The following WWC2 variants were observed in gnomAD, a reference collection of about 807,000 sequenced individuals.
WWC2 encodes WW and C2 domain containing 2.
Under a neutral mutation model 138.5 loss-of-function variants are expected in WWC2, and 101 were observed. The ratio of observed to expected loss-of-function variants is 0.73; its 90% CI spans 0.62 to 0.86. The LOEUF (loss-of-function observed/expected upper bound fraction) is 0.86, where lower values mean the gene tolerates loss of function less well. Ranked by LOEUF, WWC2 falls within the 40% of genes least tolerant of loss-of-function variation. The probability of loss-of-function intolerance (pLI) is 0.00; values close to 1 mark genes in which losing one functional copy is unlikely to be tolerated. For missense variants in WWC2, 1,420 were observed against 1,419.4 expected (o/e 1.00, Z -0.01); for synonymous variants, 558 against 538.4 (o/e 1.04, Z -0.50).
intron 1 of WWC2, among the ~76,000 whole-genome samples, chr4:183,142,016 A>G (rs1398712236): frequency 6.6e-6 from 1 of 152,234 alleles, no homozygotes; most frequent in Non-Finnish European, 1.5e-5. Flanking sequence ...CTGTGAAGAA[A>G]ACACAGAAAG....
At position 183,286,059 on chromosome 4, in the gene WWC2, G is replaced by A; in HGVS notation, c.3141G>A (p.Arg1047=). The A allele has an allele frequency of 6.4e-7, 1 of 1,569,782 alleles. No individual in the cohort carries two copies. The highest frequency in any genetic ancestry group is 8.7e-7 in the Non-Finnish European group (1 of 1,155,972). ...STERRSLRVK[R]TVCQSVLRRT... is the part of the protein sequence containing the mutation. The stretch of plus-strand genomic sequence containing the variant: ...AACGCCGCAGTTTGAGGGTCAAAAG[G>A]GTATGTATTCCCTCAGCCACGTCCC... The change falls in exon 20 of 23, where the codon AGG becomes AGA. Residue 1047 remains arginine (R), a splice_region_variant and synonymous_variant. Transcript: ENST00000403733.
intron 1 of WWC2, among the ~76,000 whole-genome samples, chr4:183,122,641 T>G: frequency 6.6e-6 from 1 of 152,122 alleles, no homozygotes; most frequent in East Asian, 1.9e-4. Context: ...TGCCTCAGCC[T>G]CCTGAGTAGC....
rs750321330 is a variant in WWC2, at chr4:183,249,926, G to A, written c.886G>A (p.Val296Ile). Reference protein sequence around the residue: ...SQTSISGDIGVRSRSNLAEKV... With the variant: ...SQTSISGDIGIRSRSNLAEKV... Reference sequence around the variant, plus strand: ...CTTTTTCTTTTTCCACTAGATTGGAGTAAGAAGTAGATCAAATTTAGCTGA... The same window carrying A: ...CTTTTTCTTTTTCCACTAGATTGGAATAAGAAGTAGATCAAATTTAGCTGA... Residue 296 changes from valine to isoleucine, a missense_variant, in exon 8 of 23, where the codon GTA (valine) becomes ATA (isoleucine). Transcript: ENST00000403733. The A allele has an allele frequency of 6.2e-7, 1 of 1,613,168 alleles. No individual in the cohort carries two copies. The highest frequency in any genetic ancestry group is 8.5e-7 in the Non-Finnish European group (1 of 1,179,440).
At chr4:183,128,252 T>C (rs1732818795) in intron 1 of WWC2, among the ~76,000 whole-genome samples, 2 of 152,026 alleles carry the variant, frequency 1.3e-5, no homozygotes, top group African/African-American at 4.8e-5. Flanking sequence ...GGCAGAAGAA[T>C]TGCTTGAACT....
rs199645335 is a variant in WWC2, at chr4:183,113,528, G to A, written c.131+13906G>A. Among the ~76,000 whole-genome samples the A allele has an allele frequency of 1.0e-4, 15 of 148,572 alleles. No individual in the cohort carries two copies. In the East Asian group the frequency reaches 1.8e-3, roughly 18 times the overall value. On this transcript the variant is annotated intron_variant, in intron 1 of 22. Coordinates refer to ENST00000403733, the MANE Select transcript of WWC2 (RefSeq NM_024949.6). ...TGTGTGTGTGTGTGCGCGCGCGTGC[G>A]CGCGCACATGCACGTGCATGCAAGA... is the stretch of plus-strand genomic sequence containing the variant.
At chr4:183,232,118 A>T (rs1387671563) in intron 4 of WWC2, among the ~76,000 whole-genome samples, 2 of 152,198 alleles carry the variant, frequency 1.3e-5, no homozygotes, top group Non-Finnish European at 2.9e-5. Context: ...AAGCCATTTG[A>T]CCATATGTTT....
chr4:183,255,673 C>G (rs1401679914), intron 9 of WWC2, among the ~76,000 whole-genome samples: 1 of 151,888 alleles, frequency 6.6e-6, no homozygotes, highest in East Asian at 1.9e-4. Context: ...ATTTGTTTGT[C>G]TTAGTTTTTA....
chr4:183,300,735 G>A (rs1738808888), intron 21 of WWC2, among the ~76,000 whole-genome samples: 1 of 150,254 alleles, frequency 6.7e-6, no homozygotes, highest in African/African-American at 2.4e-5. Context: ...ATATCTTCCG[G>A]TGTTCCCTGG....
intron 1 of WWC2, among the ~76,000 whole-genome samples, chr4:183,189,452 AG>A (rs1236877245): frequency 1.3e-5 from 2 of 151,730 alleles, no homozygotes; most frequent in Non-Finnish European, 2.9e-5. Flanking sequence ...AAAAAAAAAA[AG>A]TTATTTCGAG....
intron 21 of WWC2, among the ~76,000 whole-genome samples, chr4:183,294,132 T>C (rs369865032): frequency 6.6e-6 from 1 of 152,322 alleles, no homozygotes; most frequent in East Asian, 1.9e-4. Context: ...ATAAATGATG[T>C]ATTTGCATTC....
chr4:183,147,047 T>G (rs911274891), intron 1 of WWC2, among the ~76,000 whole-genome samples: 6 of 152,216 alleles, frequency 3.9e-5, no homozygotes, highest in Admixed American at 3.9e-4. Context: ...TTTATAGGGT[T>G]GAGCTGAGGC....
chr4:183,291,893 T>C (rs1053550174), intron 21 of WWC2, among the ~76,000 whole-genome samples: 1 of 152,040 alleles, frequency 6.6e-6, no homozygotes, highest in African/African-American at 2.4e-5. Flanking sequence ...AAGAATGTTA[T>C]AAAACTAATG....
chr4:183,225,737 G>T (rs901766340), intron 4 of WWC2, among the ~76,000 whole-genome samples: 2 of 152,226 alleles, frequency 1.3e-5, no homozygotes, highest in Admixed American at 1.3e-4. Flanking sequence ...AAGTGATGTA[G>T]CAGAGAACAG....
rs115818855 is a variant in WWC2, at chr4:183,274,363, G to A, written c.2562+3122G>A. On this transcript the variant is annotated intron_variant, in intron 16 of 22. Coordinates refer to ENST00000403733, the MANE Select transcript of WWC2 (RefSeq NM_024949.6). ...GTCTTCTGATCCATGAACATAGGACGTATTTCCATTTATTTAGGTCTTTAA... is the reference window on the plus strand; with the variant it reads ...GTCTTCTGATCCATGAACATAGGACATATTTCCATTTATTTAGGTCTTTAA... Among the ~76,000 whole-genome samples the A allele has an allele frequency of 3.1e-3, 465 of 152,256 alleles. 3 individuals carry two copies. Among genetic ancestry groups the A allele is most frequent in the Non-Finnish European group, 5.1e-3 (348 of 68,002 alleles).
rs559740753 is a variant in WWC2, at chr4:183,261,425, A to G, written c.1802A>G (p.Glu601Gly). The G allele has an allele frequency of 6.2e-7, 1 of 1,612,708 alleles. No homozygotes were observed. The highest frequency in any genetic ancestry group is 1.1e-5 in the South Asian group (1 of 90,660). Residue 601 changes from glutamate to glycine, a missense_variant, in exon 11 of 23, where the codon GAA (glutamate) becomes GGA (glycine). Glu to Gly is a moderately conservative substitution (Grantham distance 98). Transcript: ENST00000403733. ...SSHFADISLI[E>G]NQILLDSDSG... ...CATTTTGCAGATATCAGCCTCATCG[A>G]AAATCAGATTTTGCTGGATTCTGAT...
intron 1 of WWC2, among the ~76,000 whole-genome samples, chr4:183,192,741 A>C (rs185359755): frequency 5.5e-4 from 84 of 152,278 alleles, no homozygotes; most frequent in African/African-American, 1.9e-3. Flanking sequence ...ATTAAATTAG[A>C]AAATGTGTTG....
intron 17 of WWC2, 63 bp from the exon 18 acceptor site, chr4:183,282,645 C>T: frequency 4.1e-6 from 6 of 1,472,010 alleles, no homozygotes; most frequent in Non-Finnish European, 5.6e-6. Context: ...TTAGCATGCC[C>T]AGGTTGCGTG....
chr4:183,223,887 T>G (rs1735995444), intron 4 of WWC2, among the ~76,000 whole-genome samples: 1 of 151,946 alleles, frequency 6.6e-6, no homozygotes, highest in Non-Finnish European at 1.5e-5. Flanking sequence ...CCTGCCACCA[T>G]GCCCAGCTAA....
At chr4:183,285,688 T>G (rs893502385) in intron 19 of WWC2, among the ~76,000 whole-genome samples, 4 of 151,956 alleles carry the variant, frequency 2.6e-5, no homozygotes, top group African/African-American at 9.7e-5. Flanking sequence ...TGAACCCAGG[T>G]GGCAGAGGTT....
Sources: gnomAD v4.1 joint callset for allele counts (sites outside exome capture counted in the v4.1 genomes callset) on GRCh38, gnomAD v4.1.1 for gene constraint, MANE v1.5 for transcripts, NCBI Gene and HGNC (gene_info 2026-07-23, HGNC 2026-07-21) for gene names.